GRID2: variants seen among roughly 807,000 people sequenced by gnomAD.
GRID2 encodes glutamate ionotropic receptor delta type subunit 2.
In GRID2, 33 loss-of-function variants were observed where a neutral mutation model predicts 114.8. The observed-to-expected ratio is 0.29, with a 90% CI of 0.22 to 0.38. The LOEUF (loss-of-function observed/expected upper bound fraction) is 0.38. Among genes scored for constraint, GRID2 ranks in the 10% least tolerant of loss-of-function variants. The pLI is 1.00. For synonymous variants in GRID2, 505 were observed against 449.9 expected (o/e 1.12, Z -1.55); for missense variants, 1,184 against 1,257.7 (o/e 0.94, Z 0.89).
intron 2 of GRID2, among the ~76,000 whole-genome samples, chr4:92,898,417 C>T (rs1228248346): frequency 6.6e-6 from 1 of 152,098 alleles, no homozygotes; most frequent in African/African-American, 2.4e-5. Flanking sequence ...AATACAATTT[C>T]ATTTTCCTCT....
intron 14 of GRID2, among the ~76,000 whole-genome samples, chr4:93,706,320 T>C (rs1015030731): frequency 1.3e-5 from 2 of 152,222 alleles, no homozygotes; most frequent in Non-Finnish European, 2.9e-5. Flanking sequence ...GAACATGAAA[T>C]GTCTTTCCAT....
intron 1 of GRID2, among the ~76,000 whole-genome samples, chr4:92,562,736 C>T (rs1244254557): frequency 6.6e-6 from 1 of 152,016 alleles, no homozygotes; most frequent in Non-Finnish European, 1.5e-5. Flanking sequence ...GCTCTCCAAA[C>T]CACATTTTAT....
chr4:93,044,281 T>C (rs1201468681), intron 2 of GRID2, among the ~76,000 whole-genome samples: 1 of 152,164 alleles, frequency 6.6e-6, no homozygotes, highest in African/African-American at 2.4e-5. Context: ...AACGTTGTTA[T>C]ATCTTTGGAA....
intron 12 of GRID2, among the ~76,000 whole-genome samples, chr4:93,504,190 C>G (rs1385129311): frequency 1.3e-5 from 2 of 152,012 alleles, no homozygotes; most frequent in Non-Finnish European, 2.9e-5. Flanking sequence ...AAAAAAATCA[C>G]AAATTATTAT....
At chr4:92,705,161 A>G (rs542968981) in intron 2 of GRID2, among the ~76,000 whole-genome samples, 2 of 152,300 alleles carry the variant, frequency 1.3e-5, no homozygotes, top group African/African-American at 4.8e-5. Flanking sequence ...TTTTCTAATA[A>G]CATTAACTTT....
At chr4:93,223,352 TA>T (rs781224031) in intron 6 of GRID2, among the ~76,000 whole-genome samples, 48 of 152,108 alleles carry the variant, frequency 3.2e-4, no homozygotes, top group Non-Finnish European at 6.3e-4. Context: ...ATTATACATA[TA>T]AAATGATATT....
At chr4:93,291,065 T>G (rs891015173) in intron 8 of GRID2, among the ~76,000 whole-genome samples, 7 of 151,942 alleles carry the variant, frequency 4.6e-5, no homozygotes, top group Non-Finnish European at 7.4e-5. Context: ...TTTTAGTAGA[T>G]ACGGGGTTTC....
At chr4:92,428,177 GC>G (rs1227701975) in intron 1 of GRID2, among the ~76,000 whole-genome samples, 1 of 152,054 alleles carries the variant, frequency 6.6e-6, no homozygotes, top group Non-Finnish European at 1.5e-5. Context: ...CAGGAGAATG[GC>G]ATGAACCCGG....
At chr4:93,523,916 A>G (rs1278650105) in intron 13 of GRID2, among the ~76,000 whole-genome samples, 2 of 152,030 alleles carry the variant, frequency 1.3e-5, no homozygotes, top group Admixed American at 1.3e-4. Flanking sequence ...CTTCATCTAT[A>G]CTTCGTCCTG....
chr4:92,560,595 A>G (rs1315334299), intron 1 of GRID2, among the ~76,000 whole-genome samples: 1 of 151,058 alleles, frequency 6.6e-6, no homozygotes, highest in East Asian at 1.9e-4. Flanking sequence ...CCACTGCTGT[A>G]CCTTTGGTTA....
Position 92,821,047 on chromosome 4 carries a change from C to A in GRID2, c.244+230761C>A, listed in dbSNP as rs865910132. On this transcript the variant is annotated intron_variant, in intron 2 of 15. Coordinates refer to ENST00000282020, the MANE Select transcript of GRID2 (RefSeq NM_001510.4). ...TAAATATTGTGATTTTTACTTAACA[C>A]AGTGATAAAGAAATTGATACATTTA... Among the ~76,000 whole-genome samples the A allele has an allele frequency of 5.9e-5, 9 of 151,358 alleles. No homozygotes were observed. The Middle Eastern group carries it at 0.01, about 173-fold the overall frequency.
intron 13 of GRID2, among the ~76,000 whole-genome samples, chr4:93,598,337 T>A (rs1021496800): frequency 3.3e-5 from 5 of 152,156 alleles, no homozygotes; most frequent in Non-Finnish European, 2.9e-5. Flanking sequence ...CACTGTCTCT[T>A]TCTTTTCATT....
intron 14 of GRID2, among the ~76,000 whole-genome samples, chr4:93,720,874 A>T (rs1729305945): frequency 6.6e-6 from 1 of 152,236 alleles, no homozygotes; most frequent in Non-Finnish European, 1.5e-5. Context: ...GTTACAGAGC[A>T]TAGCAAGAAC....
At chr4:92,388,128 A>G (rs1313435203) in intron 1 of GRID2, among the ~76,000 whole-genome samples, 2 of 152,078 alleles carry the variant, frequency 1.3e-5, no homozygotes, top group Non-Finnish European at 2.9e-5. Flanking sequence ...CTTCTGCTAG[A>G]GAACTCTAAA....
At chr4:93,011,813 A>G (rs1347770321) in intron 2 of GRID2, among the ~76,000 whole-genome samples, 1 of 152,114 alleles carries the variant, frequency 6.6e-6, no homozygotes, top group Non-Finnish European at 1.5e-5. Flanking sequence ...GGAGTTAGAC[A>G]TATATTGCTA....
At chr4:93,666,612 G>GTA (rs1389595525) in intron 14 of GRID2, among the ~76,000 whole-genome samples, 2 of 152,050 alleles carry the variant, frequency 1.3e-5, no homozygotes, top group Non-Finnish European at 2.9e-5. Context: ...ACAGTAAGAG[G>GTA]ATATAGCTAA....
chr4:93,417,934 T>C lies in GRID2; in HGVS notation c.1348-4837T>C, dbSNP rs146295443. 1.2e-3 allele frequency among the ~76,000 whole-genome samples: 187 copies of C among 151,034 alleles called. 3 individuals are homozygous for C. The East Asian group carries it at 0.031, about 25-fold the overall frequency. ...GGTGCTATGAGCATTCTTGGATGTA[T>C]AGTTTGGTGCCCAGTATTCTTTTGT... is the stretch of plus-strand genomic sequence containing the variant. On this transcript the variant is annotated intron_variant, in intron 9 of 15. Transcript: ENST00000282020.
At chr4:92,546,498 C>T (rs200938572) in intron 1 of GRID2, among the ~76,000 whole-genome samples, 1 of 152,186 alleles carries the variant, frequency 6.6e-6, no homozygotes, top group East Asian at 1.9e-4. Context: ...TTATGTTGTT[C>T]GGTAACTAAG....
At chr4:92,757,971 G>A (rs1737813343) in intron 2 of GRID2, among the ~76,000 whole-genome samples, 1 of 152,078 alleles carries the variant, frequency 6.6e-6, no homozygotes, top group Admixed American at 6.6e-5. Context: ...AAAAGAACAT[G>A]GGGGTGAGAT....
Sources: allele counts gnomAD v4.1 joint callset (sites outside exome capture counted in the v4.1 genomes callset), GRCh38; gene constraint gnomAD v4.1.1; transcripts MANE v1.5; gene names NCBI Gene and HGNC (gene_info 2026-07-23, HGNC 2026-07-21).